The following CLEC4D variants were observed in gnomAD, a reference collection of about 807,000 sequenced individuals.
The protein encoded by CLEC4D is C-type lectin domain family 4 member D, also known as C-type (calcium dependent, carbohydrate-recognition domain) lectin, superfamily member 8.
In CLEC4D, 21 loss-of-function variants were observed where a neutral mutation model predicts 21.1. The observed-to-expected ratio is 1.00, with a 90% CI of 0.71 to 1.43. The LOEUF (loss-of-function observed/expected upper bound fraction) is 1.43, where lower values mean the gene tolerates loss of function less well. CLEC4D is among the 40% of genes most tolerant of loss of function. The pLI, the probability that CLEC4D is intolerant of heterozygous loss-of-function variation, is 0.00. For synonymous variants in CLEC4D, 85 were observed against 83.1 expected (o/e 1.02, Z -0.12); for missense variants, 289 against 260.7 (o/e 1.11, Z -0.75).
chr12:8,530,224 A>C, the CLEC4D span, among the ~76,000 whole-genome samples: 1 of 152,356 alleles, frequency 6.6e-6, no homozygotes, highest in East Asian at 1.9e-4. Context: ...TATTAGATTT[A>C]ATGGTAAGCC....
downstream of CLEC4D, among the ~76,000 whole-genome samples, chr12:8,526,225 G>A (rs1249281332): frequency 1.3e-5 from 2 of 152,150 alleles, no homozygotes; most frequent in African/African-American, 4.8e-5. Context: ...GAATTTGCAT[G>A]TTGGCCTGTG....
chr12:8,521,505 T>A lies in CLEC4D; in HGVS notation c.*234T>A. 5.0e-6 allele frequency: 4 copies of A among 795,510 alleles called. No individual in the cohort carries two copies. Among genetic ancestry groups the A allele is most frequent in the Non-Finnish European group, 6.8e-6 (4 of 589,146 alleles). The allele number at this position is 795,510 out of a possible 1,614,324, so 49.3% of individuals were successfully genotyped here. A position where few individuals can be genotyped will look rare whatever the true frequency, so the allele number is the denominator to read the frequency against. ...GGTGTTTGATGGAAGGAATAATCTT[T>A]CTTTGCTTTCTTAGTAGTATTTCAA... On this transcript the variant is annotated 3_prime_UTR_variant, in exon 6 of 6. Coordinates refer to ENST00000299665, the MANE Select transcript of CLEC4D (RefSeq NM_080387.5).
rs1940360279 is a variant in CLEC4D, at chr12:8,515,102, G to T, written c.29-134G>T. On this transcript the variant is annotated intron_variant, in intron 1 of 5. Coordinates refer to ENST00000299665, the MANE Select transcript of CLEC4D (RefSeq NM_080387.5). Reference sequence around the variant, plus strand: ...ATAAGCTCTAAAATTGATTTATTTGGAGAAAATATTTATGCTCTTCTCTAG... The same window carrying T: ...ATAAGCTCTAAAATTGATTTATTTGTAGAAAATATTTATGCTCTTCTCTAG... 5 of 495,090 alleles carry T rather than the reference G, an allele frequency of 1.0e-5. No individual in the cohort carries two copies. In the South Asian group the frequency reaches 1.2e-4, roughly 11 times the overall value. 30.7% of individuals were successfully genotyped at this position (495,090 alleles called of 1,614,324 possible). A position where few individuals can be genotyped will look rare whatever the true frequency, so the allele number is the denominator to read the frequency against.
chr12:8,518,459 C>T lies in CLEC4D; in HGVS notation c.232+185C>T, dbSNP rs971121200. 3.9e-5 allele frequency among the ~76,000 whole-genome samples: 6 copies of T among 152,112 alleles called. No individual in the cohort carries two copies. In the South Asian group the frequency reaches 8.3e-4, roughly 21 times the overall value. The stretch of plus-strand genomic sequence containing the variant: ...TCATTACTGTAATCCAGTTAATAAC[C>T]GGAGAATATAGCTTTACAGATGGAT... On this transcript the variant is annotated intron_variant, in intron 3 of 5. Transcript: ENST00000299665.
intron 2 of CLEC4D, among the ~76,000 whole-genome samples, chr12:8,516,782 A>G (rs1021926131): frequency 1.3e-5 from 2 of 152,248 alleles, no homozygotes; most frequent in Non-Finnish European, 2.9e-5. Context: ...TGTGCTCCAA[A>G]TGCATGGTTG....
At position 8,513,573 on chromosome 12, in the gene CLEC4D, T is replaced by C. The variant is rs1387723054; in HGVS notation, c.-160T>C. The C allele has an allele frequency of 2.2e-6, 1 of 447,764 alleles. No individual in the cohort carries two copies. The highest frequency in any genetic ancestry group is 2.0e-5 in the African/African-American group (1 of 49,986). 27.7% of individuals were successfully genotyped at this position (447,764 alleles called of 1,614,324 possible). A position where few individuals can be genotyped will look rare whatever the true frequency, so the allele number is the denominator to read the frequency against. On this transcript the variant is annotated 5_prime_UTR_variant, in exon 1 of 6. Transcript: ENST00000299665. ...AAGACTTCTTTTGAGCTAACTTTCTTATACTGGTACCTTTCTAATCTCACT... is the reference window on the plus strand; with the variant it reads ...AAGACTTCTTTTGAGCTAACTTTCTCATACTGGTACCTTTCTAATCTCACT...
chr12:8,520,174 A>T, intron 4 of CLEC4D, 52 bp from the exon 5 acceptor site: 1 of 1,597,698 alleles, frequency 6.3e-7, no homozygotes, highest in African/African-American at 1.3e-5. Context: ...TTCCAACATC[A>T]TAGCCATCAC....
rs1940452882 is a variant in CLEC4D at position 8,521,158 on chromosome 12, G to A, written c.535G>A (p.Gly179Arg). The change falls in exon 6 of 6, where the codon GGA (glycine) becomes AGA (arginine). Residue 179 changes from glycine to arginine, a missense_variant. Coordinates refer to ENST00000299665, the MANE Select transcript of CLEC4D (RefSeq NM_080387.5). ...TAAGAATGAACCCGACAACTCTCAG[G>A]GAGAAAACTGTGTTGTTCTTGTTTA... ...WHKNEPDNSQ[G>R]ENCVVLVYNQ... 3.1e-6 allele frequency: 5 copies of A among 1,613,406 alleles called. No homozygotes were observed. Among genetic ancestry groups the A allele is most frequent in the African/African-American group, 1.3e-5 (1 of 74,988 alleles).
intron 1 of CLEC4D, among the ~76,000 whole-genome samples, chr12:8,514,092 T>A (rs2136383055): frequency 6.6e-6 from 1 of 152,284 alleles, no homozygotes; most frequent in Middle Eastern, 3.4e-3. Context: ...TTATGCTGTA[T>A]CAGAGGCTCT....
chr12:8,520,486 C>T (rs1940444761), intron 5 of CLEC4D, 145 bp downstream of exon 5: 1 of 1,339,378 alleles, frequency 7.5e-7, no homozygotes, highest in Non-Finnish European at 9.6e-7. Context: ...ATGCTATGTC[C>T]CAGTTCCAGA....
chr12:8,524,468 A>G (rs769948316), downstream of CLEC4D, among the ~76,000 whole-genome samples: 56 of 151,680 alleles, frequency 3.7e-4, no homozygotes, highest in African/African-American at 1.3e-3. Flanking sequence ...TTTCTTGTAG[A>G]TTTTCTAGTT....
At position 8,520,138 on chromosome 12, in the gene CLEC4D, T is replaced by C. The variant is rs1940439093; in HGVS notation, c.385-88T>C. 2.0e-6 allele frequency: 3 copies of C among 1,521,982 alleles called. No individual in the cohort carries two copies. In the African/African-American group the frequency reaches 4.1e-5, roughly 21 times the overall value. 94.3% of individuals were successfully genotyped at this position (1,521,982 alleles called of 1,614,324 possible). A position where few individuals can be genotyped will look rare whatever the true frequency, so the allele number is the denominator to read the frequency against. On this transcript the variant is annotated intron_variant, in intron 4 of 5. Coordinates refer to ENST00000299665, the MANE Select transcript of CLEC4D (RefSeq NM_080387.5). ...TGCCAGAGCTTTTGTGCTTAACCAG[T>C]AATCTAGTTGACATATTTCCTCTTT...
downstream of CLEC4D, among the ~76,000 whole-genome samples, chr12:8,523,297 A>G (rs1940480564): frequency 6.6e-6 from 1 of 152,156 alleles, no homozygotes; most frequent in South Asian, 2.1e-4. Flanking sequence ...CAGTATGACC[A>G]TTTTCACAAT....
At position 8,519,100 on chromosome 12, in the gene CLEC4D, T is replaced by TG; in HGVS notation, c.325dup (p.Glu109GlyfsTer19). ...CTGACAACAAGACGTGGGCTGAGAG[T>TG]GAAAGGAACTGTTCAGGGATGGGGG... On this transcript the variant is annotated frameshift_variant, in exon 4 of 6. Coordinates refer to ENST00000299665, the MANE Select transcript of CLEC4D (RefSeq NM_080387.5). LOFTEE classifies it high-confidence loss of function. The TG allele has an allele frequency of 6.2e-7, 1 of 1,614,040 alleles. No individual in the cohort carries two copies. Among genetic ancestry groups the TG allele is most frequent in the Non-Finnish European group, 8.5e-7 (1 of 1,180,000 alleles).
chr12:8,514,913 C>T (rs1420156982), intron 1 of CLEC4D, among the ~76,000 whole-genome samples: 3 of 152,072 alleles, frequency 2.0e-5, no homozygotes, highest in Admixed American at 6.5e-5. Context: ...TTCATACGTT[C>T]CTTGACTCTA....
the CLEC4D span, among the ~76,000 whole-genome samples, chr12:8,531,133 A>G: frequency 1.3e-5 from 2 of 151,940 alleles, no homozygotes; most frequent in Non-Finnish European, 2.9e-5. Context: ...GGACAGTCCA[A>G]CCCCCACCAG....
intron 4 of CLEC4D, 121 bp downstream of exon 4, chr12:8,519,281 C>T (rs1452132764): frequency 1.5e-6 from 2 of 1,372,048 alleles, no homozygotes; most frequent in Non-Finnish European, 1.9e-6. Context: ...CCTGGAAAGC[C>T]CTTTCTTCCT....
downstream of CLEC4D, among the ~76,000 whole-genome samples, chr12:8,523,864 A>G (rs574943852): frequency 1.6e-4 from 25 of 152,284 alleles, 1 homozygote; most frequent in East Asian, 4.8e-3. Context: ...ATTATTTGAG[A>G]TACGTTCCAT....
rs943902830 is a variant in CLEC4D, at chr12:8,519,737, C to G, written c.385-489C>G. 2.0e-5 allele frequency among the ~76,000 whole-genome samples: 3 copies of G among 152,286 alleles called. No homozygotes were observed. In the South Asian group the frequency reaches 6.2e-4, roughly 32 times the overall value. On this transcript the variant is annotated intron_variant, in intron 4 of 5. Transcript: ENST00000299665. ...AATCTTAGGGTAAATTCTTTAAAGG[C>G]TAAAATTTATTTCCTCATGTAATAT... is the stretch of plus-strand genomic sequence containing the variant.
Sources: allele counts gnomAD v4.1 joint callset (sites outside exome capture counted in the v4.1 genomes callset), GRCh38; gene constraint gnomAD v4.1.1; transcripts MANE v1.5; gene names NCBI Gene and HGNC (gene_info 2026-07-23, HGNC 2026-07-21).